The following KBTBD11 variants were observed in gnomAD, a reference collection of about 807,000 sequenced individuals.
KBTBD11 encodes kelch repeat and BTB domain containing 11.
For synonymous variants in KBTBD11, 747 were observed against 499.0 expected (o/e 1.50, Z -6.63); for missense variants, 1,390 against 1,001.8 (o/e 1.39, Z -5.23).
At chr8:1,982,427 G>A (rs749393555) in intron 1 of KBTBD11, among the ~76,000 whole-genome samples, 21 of 152,280 alleles carry the variant, frequency 1.4e-4, no homozygotes, top group Admixed American at 2.6e-4. Context: ...GAACATAAAT[G>A]CATTCAGTTC....
intron 1 of KBTBD11, among the ~76,000 whole-genome samples, chr8:1,999,023 C>G (rs1339114333): frequency 6.6e-6 from 1 of 152,194 alleles, no homozygotes; most frequent in Non-Finnish European, 1.5e-5. Flanking sequence ...TGTCTGTGAC[C>G]TACCCTGGGG....
intron 1 of KBTBD11, chr8:1,974,324 C>T (rs922090627): frequency 1.0e-6 from 1 of 984,712 alleles, no homozygotes; most frequent in South Asian, 4.7e-5. Flanking sequence ...CGCGCCGCGC[C>T]CGCAGTCACC....
chr8:1,985,410 C>T (rs570111681), intron 1 of KBTBD11, among the ~76,000 whole-genome samples: 6 of 152,390 alleles, frequency 3.9e-5, no homozygotes, highest in South Asian at 2.1e-4. Flanking sequence ...GGTTCCCCCT[C>T]GGGAATTCCG....
At position 2,001,177 on chromosome 8, in the gene KBTBD11, G is replaced by GCAGCA. The variant is rs761947019; in HGVS notation, c.-11_-7dup. ...GGAACCGGGGGCGCGCGGGCGCAGC[G>GCAGCA]CAGCACAGCCCGGCCATGGAGCACG... is the stretch of plus-strand genomic sequence containing the variant. On this transcript the variant is annotated 5_prime_UTR_variant, in exon 2 of 2. Transcript: ENST00000320248. 2.0e-5 allele frequency: 27 copies of GCAGCA among 1,328,074 alleles called. No individual in the cohort carries two copies. The highest frequency in any genetic ancestry group is 3.7e-5 in the Admixed American group (1 of 26,844). The allele number at this position is 1,328,074 out of a possible 1,614,324, so 82.3% of individuals were successfully genotyped here.
rs569130352 is a variant in KBTBD11, at chr8:2,000,376, C to T, written c.-817C>T. The T allele has an allele frequency of 6.6e-6, 1 of 152,380 alleles. No individual in the cohort carries two copies. Among genetic ancestry groups the T allele is most frequent in the East Asian group, 1.9e-4 (1 of 5,176 alleles). The allele number at this position is 152,380 out of a possible 1,614,324, so 9.4% of individuals were successfully genotyped here. A position where few individuals can be genotyped will look rare whatever the true frequency, so the allele number is the denominator to read the frequency against. ...GGTCCTGCCCCGTGAGCGAGGACAG[C>T]CTCCAGGAGCACAGCGGCTTCTCCT... is the stretch of plus-strand genomic sequence containing the variant. On this transcript the variant is annotated 5_prime_UTR_variant, in exon 2 of 2. Coordinates refer to ENST00000320248, the MANE Select transcript of KBTBD11 (RefSeq NM_014867.3).
chr8:1,986,566 C>T (rs1483384492), intron 1 of KBTBD11, among the ~76,000 whole-genome samples: 3 of 152,114 alleles, frequency 2.0e-5, no homozygotes, highest in African/African-American at 2.4e-5. Context: ...TTTAGATTCC[C>T]GTATTTCCAC....
intron 1 of KBTBD11, among the ~76,000 whole-genome samples, chr8:1,988,822 T>C (rs1332496367): frequency 6.6e-6 from 1 of 152,214 alleles, no homozygotes; most frequent in African/African-American, 2.4e-5. Context: ...ACTTCATATA[T>C]GTCTGCTAAG....
At chr8:1,980,534 A>G (rs1816505545) in intron 1 of KBTBD11, among the ~76,000 whole-genome samples, 1 of 152,166 alleles carries the variant, frequency 6.6e-6, no homozygotes, top group Non-Finnish European at 1.5e-5. Flanking sequence ...CTTTAATCAA[A>G]ACTTTTAAAA....
rs531494465 is a variant in KBTBD11 at position 1,979,612 on chromosome 8, G to A, written c.-909+5677G>A. On this transcript the variant is annotated intron_variant, in intron 1 of 1. Coordinates refer to ENST00000320248, the MANE Select transcript of KBTBD11 (RefSeq NM_014867.3). The stretch of plus-strand genomic sequence containing the variant: ...CCACTGCACTCCAGCCTGGGCTACA[G>A]AGTGAGACTCTGTCTCAAAACAAAA... Among the ~76,000 whole-genome samples the A allele has an allele frequency of 2.6e-5, 4 of 152,370 alleles. No individual in the cohort carries two copies. In the East Asian group the frequency reaches 7.7e-4, roughly 29 times the overall value.
At position 2,001,188 on chromosome 8, in the gene KBTBD11, C is replaced by T. The variant is rs192520338; in HGVS notation, c.-5C>T. On this transcript the variant is annotated 5_prime_UTR_variant, in exon 2 of 2. Transcript: ENST00000320248. ...CGCGCGGGCGCAGCGCAGCACAGCC[C>T]GGCCATGGAGCACGCGGTGGCCCCC... 3.3e-5 allele frequency: 45 copies of T among 1,344,396 alleles called. No individual in the cohort carries two copies. The African/African-American group carries it at 5.6e-4, about 17-fold the overall frequency. 83.3% of individuals were successfully genotyped at this position (1,344,396 alleles called of 1,614,324 possible).
rs1817367345 is a variant in KBTBD11, at chr8:2,001,691, G to A, written c.499G>A (p.Ala167Thr). ...GGCGGCGCGCAGCGACTACTTCCGC[G>A]CGCGCGCGTCGCGGGACGTGCTGCG... ...VLAARSDYFR[A>T]RASRDVLRVQ... Residue 167 changes from alanine to threonine, a missense_variant, in exon 2 of 2, where the codon GCG becomes ACG. Transcript: ENST00000320248. The A allele has an allele frequency of 2.1e-6, 3 of 1,438,248 alleles. No homozygotes were observed. The highest frequency in any genetic ancestry group is 1.5e-5 in the African/African-American group (1 of 66,984). The allele number at this position is 1,438,248 out of a possible 1,614,324, so 89.1% of individuals were successfully genotyped here. A position where few individuals can be genotyped will look rare whatever the true frequency, so the allele number is the denominator to read the frequency against.
intron 1 of KBTBD11, chr8:1,974,198 G>T: frequency 1.3e-6 from 1 of 775,066 alleles, no homozygotes. Flanking sequence ...GCGGCGGTGG[G>T]TGGTCTCCGC....
chr8:1,979,377 C>T (rs1219173380), intron 1 of KBTBD11, among the ~76,000 whole-genome samples: 2 of 152,254 alleles, frequency 1.3e-5, no homozygotes, highest in African/African-American at 4.8e-5. Flanking sequence ...CGCCTGTAAT[C>T]CCAGCACTTT....
chr8:1,986,775 A>C (rs970095173), intron 1 of KBTBD11, among the ~76,000 whole-genome samples: 2 of 152,214 alleles, frequency 1.3e-5, no homozygotes, highest in Non-Finnish European at 2.9e-5. Flanking sequence ...AAATATTTCA[A>C]ACACCATAAT....
At position 2,002,302 on chromosome 8, in the gene KBTBD11, G is replaced by A. The variant is rs1360576830; in HGVS notation, c.1110G>A (p.Ala370=). 4.5e-6 allele frequency: 6 copies of A among 1,341,698 alleles called. No homozygotes were observed. The highest frequency in any genetic ancestry group is 1.8e-5 in the South Asian group (1 of 55,686). The allele number at this position is 1,341,698 out of a possible 1,614,324, so 83.1% of individuals were successfully genotyped here. Reference sequence around the variant, plus strand: ...TCGTGGCGGGCGGCGTGGCGCCCGCGGGCCCCGACGGCCGCGCGCGCCCGT... The same window carrying A: ...TCGTGGCGGGCGGCGTGGCGCCCGCAGGCCCCGACGGCCGCGCGCGCCCGT... ...YLFVAGGVAP[A]GPDGRARPSD... is the part of the protein sequence containing the mutation. The change falls in exon 2 of 2, where the codon GCG becomes GCA. Residue 370 remains alanine, a synonymous_variant. Coordinates refer to ENST00000320248, the MANE Select transcript of KBTBD11 (RefSeq NM_014867.3). The surrounding 1 kb of genome is among the most constrained non-coding windows in gnomAD (Gnocchi z 4.1).
intron 1 of KBTBD11, among the ~76,000 whole-genome samples, chr8:1,981,289 A>T (rs946382021): frequency 1.3e-4 from 20 of 152,364 alleles, no homozygotes; most frequent in Middle Eastern, 6.8e-3. Context: ...AGAAATGCTT[A>T]AGGGAATTCT....
chr8:1,989,473 C>T (rs1204527099), intron 1 of KBTBD11, among the ~76,000 whole-genome samples: 2 of 152,218 alleles, frequency 1.3e-5, no homozygotes, highest in Non-Finnish European at 2.9e-5. Context: ...ACATCTCATT[C>T]CTCTTCTACT....
chr8:2,001,846 C>T lies in KBTBD11; in HGVS notation c.654C>T (p.Gly218=). ...GCGCGCGCCGCCTGCAGCTGCCCGG[C>T]GCCGCGCAGCGCGCCACCGACGCCG... ...VAGARRLQLP[G]AAQRATDAVG... The change falls in exon 2 of 2, where the codon GGC becomes GGT. Residue 218 remains glycine, a synonymous_variant. Transcript: ENST00000320248. The T allele has an allele frequency of 3.2e-6, 4 of 1,243,370 alleles. No homozygotes were observed. The highest frequency in any genetic ancestry group is 4.2e-5 in the Admixed American group (1 of 23,722). The allele number at this position is 1,243,370 out of a possible 1,614,324, so 77.0% of individuals were successfully genotyped here. A position where few individuals can be genotyped will look rare whatever the true frequency, so the allele number is the denominator to read the frequency against.
At chr8:1,976,807 G>C (rs1010993889) in intron 1 of KBTBD11, among the ~76,000 whole-genome samples, 1 of 152,234 alleles carries the variant, frequency 6.6e-6, no homozygotes, top group African/African-American at 2.4e-5. Flanking sequence ...AGGGATGAGA[G>C]GGGTGGCTCA....
Sources: gnomAD v4.1 joint callset for allele counts (sites outside exome capture counted in the v4.1 genomes callset) on GRCh38, gnomAD v4.1.1 for gene constraint, Gnocchi (gnomAD v3.1) non-coding constraint, MANE v1.5 for transcripts, NCBI Gene and HGNC (gene_info 2026-07-23, HGNC 2026-07-21) for gene names.